MCTP2: variants seen among roughly 807,000 people sequenced by gnomAD.
MCTP2 encodes multiple C2 and transmembrane domain containing 2.
Under a neutral mutation model 111.6 loss-of-function variants are expected in MCTP2, and 132 were observed. The ratio of observed to expected loss-of-function variants is 1.18; its 90% CI spans 1.03 to 1.37. MCTP2 has a LOEUF of 1.37. Ranked by LOEUF, MCTP2 falls within the 40% of genes most tolerant of loss-of-function variation. The pLI is 0.00. For missense variants in MCTP2, 1,183 were observed against 1,067.9 expected, an observed-to-expected ratio of 1.11 and a Z score of -1.50; for synonymous variants, 395 against 387.7, an observed-to-expected ratio of 1.02 and a Z score of -0.22.
rs750607990 is a variant in MCTP2 at position 94,339,376 on chromosome 15, T to G, written c.724T>G (p.Trp242Gly). ...KVIYKNLNPV[W>G]DEIVVLPIQS... ...CATATATAAGAACTTGAACCCAGTA[T>G]GGGATGAGATAGTTGTATTGCCAAT... The change falls in exon 5 of 23, where the codon TGG becomes GGG. Residue 242 changes from tryptophan to glycine, a missense_variant. Coordinates refer to ENST00000357742, the MANE Select transcript of MCTP2 (RefSeq NM_001385001.1). The G allele has an allele frequency of 1.2e-6, 2 of 1,612,424 alleles. No individual in the cohort carries two copies. Among genetic ancestry groups the G allele is most frequent in the Non-Finnish European group, 1.7e-6 (2 of 1,179,030 alleles).
At position 94,385,377 on chromosome 15, in the gene MCTP2, T is replaced by A. The variant is rs1372583986; in HGVS notation, c.1686-46T>A. The A allele has an allele frequency of 2.3e-6, 3 of 1,299,370 alleles. No homozygotes were observed. In the African/African-American group the frequency reaches 4.4e-5, roughly 19 times the overall value. 80.5% of individuals were successfully genotyped at this position (1,299,370 alleles called of 1,614,324 possible). On this transcript the variant is annotated intron_variant, in intron 13 of 22. Coordinates refer to ENST00000357742, the MANE Select transcript of MCTP2 (RefSeq NM_001385001.1). ...GTTTCCAGATCTTCATGGAACAGAC[T>A]TCACTTGTGTGTTTTTGTGTATAAT...
At chr15:94,464,244 A>ATATATATAATATATATTATATATATATAT (rs1555481343) in intron 20 of MCTP2, among the ~76,000 whole-genome samples, 1 of 60,428 alleles carries the variant, frequency 1.7e-5, no homozygotes, top group Non-Finnish European at 3.4e-5. Flanking sequence ...TATATAATAT[A>ATATATATAATATATATTATATATATATAT]TATATATATA....
chr15:94,387,398 T>C (rs550830854), intron 14 of MCTP2, among the ~76,000 whole-genome samples: 1 of 152,052 alleles, frequency 6.6e-6, no homozygotes, highest in Admixed American at 6.5e-5. Context: ...CCAGATATTC[T>C]GAGGGGGTAG....
chr15:94,311,373 T>A (rs28523891), intron 2 of MCTP2, among the ~76,000 whole-genome samples: 2,845 of 152,258 alleles, frequency 0.019, 92 homozygotes, highest in African/African-American at 0.062. Flanking sequence ...TCTGGGGTAT[T>A]CCTGATGAAA....
chr15:94,402,356 G>T, intron 17 of MCTP2: 1 of 1,463,366 alleles, frequency 6.8e-7, no homozygotes, highest in African/African-American at 1.4e-5. Flanking sequence ...AAAATCACAG[G>T]ACTAAATAAT....
At chr15:94,263,759 G>A (rs1177791470) in intron 1 of MCTP2, among the ~76,000 whole-genome samples, 1 of 152,218 alleles carries the variant, frequency 6.6e-6, no homozygotes, top group Non-Finnish European at 1.5e-5. Context: ...CCTCCTCTGG[G>A]AATATGCATG....
intron 3 of MCTP2, among the ~76,000 whole-genome samples, chr15:94,315,021 A>G (rs917291999): frequency 6.6e-6 from 1 of 152,204 alleles, no homozygotes. Flanking sequence ...TTGTGGGGGC[A>G]TCAGCTGAGT....
At chr15:94,419,081 T>A (rs1192276357) in intron 17 of MCTP2, among the ~76,000 whole-genome samples, 1 of 152,146 alleles carries the variant, frequency 6.6e-6, no homozygotes, top group Non-Finnish European at 1.5e-5. Flanking sequence ...ATTGTTTATT[T>A]AAATAGTCAT....
At chr15:94,443,536 C>T (rs1286820999) in intron 19 of MCTP2, among the ~76,000 whole-genome samples, 3 of 152,186 alleles carry the variant, frequency 2.0e-5, no homozygotes, top group Non-Finnish European at 2.9e-5. Flanking sequence ...AATGGGCTTC[C>T]AGTCCCCTTC....
At chr15:94,434,944 A>C (rs1596697911) in intron 17 of MCTP2, among the ~76,000 whole-genome samples, 1 of 150,170 alleles carries the variant, frequency 6.7e-6, no homozygotes, top group East Asian at 2.0e-4. Flanking sequence ...GCTCACTGCA[A>C]CCTCCGCTCC....
intron 4 of MCTP2, among the ~76,000 whole-genome samples, chr15:94,329,098 C>T (rs1404880765): frequency 1.3e-5 from 2 of 152,142 alleles, no homozygotes; most frequent in Admixed American, 6.5e-5. Context: ...GGAAGGAACA[C>T]TGCACCACAG....
chr15:94,279,523 T>C (rs1034986739), intron 1 of MCTP2, among the ~76,000 whole-genome samples: 20 of 149,950 alleles, frequency 1.3e-4, no homozygotes, highest in African/African-American at 4.8e-4. Context: ...GCAGGGACTA[T>C]GGGGTTTTCT....
At position 94,242,980 on chromosome 15, in the gene MCTP2, C is replaced by G. The variant is rs77937481; in HGVS notation, c.-66+11316C>G. Among the ~76,000 whole-genome samples, 176 of 66,412 alleles carry G rather than the reference C, an allele frequency of 2.7e-3. 16 individuals are homozygous for G. Among genetic ancestry groups the G allele is most frequent in the Middle Eastern group, 0.01 (1 of 100 alleles). The allele number at this position is 66,412 out of a possible 152,430, so 43.6% of individuals were successfully genotyped here. On this transcript the variant is annotated intron_variant, in intron 1 of 22. Transcript: ENST00000357742. ...ATACACGTGTATATGTGTATCTACACATACACGTGTATATGTGTATCTACA... is the reference window on the plus strand; with the variant it reads ...ATACACGTGTATATGTGTATCTACAGATACACGTGTATATGTGTATCTACA...
chr15:94,256,117 TGACACAG>T (rs2072753144), intron 1 of MCTP2, among the ~76,000 whole-genome samples: 1 of 152,182 alleles, frequency 6.6e-6, no homozygotes, highest in African/African-American at 2.4e-5. Context: ...GCAGACATAA[TGACACAG>T]GTGGAAAATT....
chr15:94,480,735 A>C lies in MCTP2; in HGVS notation c.*1701A>C, dbSNP rs563898386. On this transcript the variant is annotated 3_prime_UTR_variant, in exon 23 of 23. Transcript: ENST00000357742. ...CATGTGAGATCTGATCAGTCATTTG[A>C]ATGAAAACTTTCAGCAGCAAAATAA... 7 of 152,230 alleles carry C rather than the reference A, an allele frequency of 4.6e-5. No individual in the cohort carries two copies. Among genetic ancestry groups the C allele is most frequent in the Non-Finnish European group, 1.0e-4 (7 of 68,032 alleles). The allele number at this position is 152,230 out of a possible 1,614,324, so 9.4% of individuals were successfully genotyped here. A position where few individuals can be genotyped will look rare whatever the true frequency, so the allele number is the denominator to read the frequency against.
At chr15:94,333,437 G>C (rs1165918033) in intron 4 of MCTP2, among the ~76,000 whole-genome samples, 1 of 150,688 alleles carries the variant, frequency 6.6e-6, no homozygotes, top group African/African-American at 2.5e-5. Context: ...ATTGCCATGA[G>C]TTATATCAAA....
At chr15:94,408,680 A>G (rs116512750) in intron 17 of MCTP2, among the ~76,000 whole-genome samples, 59 of 152,356 alleles carry the variant, frequency 3.9e-4, no homozygotes, top group African/African-American at 1.4e-3. Context: ...AAAGGACACT[A>G]TTAACTATTT....
At chr15:94,422,956 A>G (rs2082694818) in intron 17 of MCTP2, among the ~76,000 whole-genome samples, 1 of 152,136 alleles carries the variant, frequency 6.6e-6, no homozygotes, top group Admixed American at 6.5e-5. Context: ...TTGGCCTCCC[A>G]AAGTGCTGGG....
At chr15:94,410,125 G>A (rs1310864390) in intron 17 of MCTP2, among the ~76,000 whole-genome samples, 1 of 152,136 alleles carries the variant, frequency 6.6e-6, no homozygotes. Flanking sequence ...TACAAGTATG[G>A]GTAGGAATTA....
Sources: allele counts gnomAD v4.1 joint callset (sites outside exome capture counted in the v4.1 genomes callset), GRCh38; gene constraint gnomAD v4.1.1; transcripts MANE v1.5; gene names NCBI Gene and HGNC (gene_info 2026-07-23, HGNC 2026-07-21).